The following RDH12 variants were observed in gnomAD, a reference collection of about 807,000 sequenced individuals.
The protein encoded by RDH12 is all-trans and 9-cis retinol dehydrogenase.
In RDH12, 21 loss-of-function variants were observed where a neutral mutation model predicts 34.0. That is an observed-to-expected ratio of 0.62 (90% confidence interval 0.44 to 0.89). The LOEUF (loss-of-function observed/expected upper bound fraction) is 0.89, where lower values mean the gene tolerates loss of function less well. RDH12 is among the 40% of genes least tolerant of loss of function. The pLI is 0.00. For synonymous variants in RDH12, 198 were observed against 169.9 expected (o/e 1.17, Z -1.29); for missense variants, 394 against 398.6 (o/e 0.99, Z 0.10).
At chr14:67,708,327 T>C (rs2037972106) in intron 1 of RDH12, among the ~76,000 whole-genome samples, 1 of 152,208 alleles carries the variant, frequency 6.6e-6, no homozygotes, top group Non-Finnish European at 1.5e-5. Flanking sequence ...TTGATATTCG[T>C]GAACACTTCA....
In RDH12 at chr14:67,727,023, T is replaced by C. The variant is rs760376777; in HGVS notation, c.491T>C (p.Val164Ala). ...TACCTGCTCCTGGAGCGGCTAAAGG[T>C]GTCTGCCCCTGCACGGGTGGTTAAT... ...LTYLLLERLK[V>A]SAPARVVNVS... The change falls in exon 7 of 9, where the codon GTG (valine) becomes GCG (alanine). Residue 164 changes from valine (V) to alanine (A), a missense_variant. Transcript: ENST00000551171. The C allele has an allele frequency of 4.3e-6, 7 of 1,613,444 alleles. No homozygotes were observed. The Admixed American group carries it at 8.3e-5, about 19-fold the overall frequency.
chr14:67,726,852 T>C (rs2038191745), intron 6 of RDH12, 129 bp from the exon 7 acceptor site: 1 of 762,362 alleles, frequency 1.3e-6, no homozygotes, highest in Non-Finnish European at 2.3e-6. Context: ...ACCATTAGAG[T>C]TACTCATGGC....
At chr14:67,708,167 G>T (rs908737549) in intron 1 of RDH12, among the ~76,000 whole-genome samples, 1 of 152,162 alleles carries the variant, frequency 6.6e-6, no homozygotes, top group African/African-American at 2.4e-5. Flanking sequence ...GTATACTTTA[G>T]TCAATTGCTA....
At position 67,724,511 on chromosome 14, in the gene RDH12, A is replaced by C; in HGVS notation, c.107A>C (p.Gln36Pro). Residue 36 changes from glutamine to proline, a missense_variant, in exon 4 of 9, where the codon CAG becomes CCG. Transcript: ENST00000551171. ...FAGGVCRTNV[Q>P]LPGKVVVITG... Reference sequence around the variant, plus strand: ...GGTGGAGTGTGTAGAACAAATGTGCAGCTTCCTGGCAAGGTAGTGGTGATC... The same window carrying C: ...GGTGGAGTGTGTAGAACAAATGTGCCGCTTCCTGGCAAGGTAGTGGTGATC... The C allele has an allele frequency of 3.7e-6, 6 of 1,613,210 alleles. No homozygotes were observed. The highest frequency in any genetic ancestry group is 4.2e-6 in the Non-Finnish European group (5 of 1,179,586).
At chr14:67,712,423 A>C (rs2038018709) in intron 1 of RDH12, among the ~76,000 whole-genome samples, 1 of 148,564 alleles carries the variant, frequency 6.7e-6, no homozygotes, top group Admixed American at 6.9e-5. Context: ...TAAAAATCCC[A>C]GAGTGGCCTC....
intron 1 of RDH12, among the ~76,000 whole-genome samples, chr14:67,708,390 C>G (rs1273176911): frequency 1.3e-5 from 2 of 152,078 alleles, no homozygotes; most frequent in African/African-American, 4.8e-5. Flanking sequence ...GTTACAATCT[C>G]CAAAGTTATC....
At chr14:67,715,644 G>C (rs897373840) in intron 1 of RDH12, among the ~76,000 whole-genome samples, 1 of 152,158 alleles carries the variant, frequency 6.6e-6, no homozygotes, top group Non-Finnish European at 1.5e-5. Context: ...CCAATGCCAA[G>C]TTCGTTCTTT....
chr14:67,711,544 TA>T (rs1216720152), intron 1 of RDH12, among the ~76,000 whole-genome samples: 1 of 152,230 alleles, frequency 6.6e-6, no homozygotes. Flanking sequence ...GCCAATTAAT[TA>T]GAGCTCTTTT....
At chr14:67,711,976 A>G (rs1473269040) in intron 1 of RDH12, among the ~76,000 whole-genome samples, 3 of 152,118 alleles carry the variant, frequency 2.0e-5, no homozygotes, top group Admixed American at 2.0e-4. Context: ...CTGAAGTGCA[A>G]TGGTGCGATC....
intron 5 of RDH12, 63 bp downstream of exon 5, chr14:67,725,317 T>A: frequency 6.5e-7 from 1 of 1,534,942 alleles, no homozygotes; most frequent in Non-Finnish European, 9.0e-7. Context: ...TGCTCCACCC[T>A]AGACCATCTA....
chr14:67,723,422 T>TG lies in RDH12; in HGVS notation c.68+717dup, dbSNP rs1817800870. 2.6e-5 allele frequency among the ~76,000 whole-genome samples: 4 copies of TG among 152,204 alleles called. No homozygotes were observed. The South Asian group carries it at 8.3e-4, about 32-fold the overall frequency. ...CTACTTTTTAAATTTTTTGTGGAGA[T>TG]GGGGGTCTCACTATGTTGCCCAGGC... On this transcript the variant is annotated intron_variant, in intron 3 of 8. Transcript: ENST00000551171.
At chr14:67,708,505 G>T (rs1313364546) in intron 1 of RDH12, among the ~76,000 whole-genome samples, 2 of 152,116 alleles carry the variant, frequency 1.3e-5, no homozygotes, top group East Asian at 3.9e-4. Flanking sequence ...GATGATGAAA[G>T]GTTTTAGGGC....
rs28940313 is a variant in RDH12, at chr14:67,729,209, A to G, written c.677A>G (p.Tyr226Cys). 1.2e-6 allele frequency: 2 copies of G among 1,612,480 alleles called. No homozygotes were observed. Among genetic ancestry groups the G allele is most frequent in the Non-Finnish European group, 1.7e-6 (2 of 1,180,006 alleles). The change falls in exon 8 of 9, where the codon TAC (tyrosine) becomes TGC (cysteine). Residue 226 changes from tyrosine to cysteine, a missense_variant. Transcript: ENST00000551171. ...GTCCCAGGCACCGGGGTCACCACCTACGCAGTGCACCCAGGCGTCGTCCGC... is the reference window on the plus strand; with the variant it reads ...GTCCCAGGCACCGGGGTCACCACCTGCGCAGTGCACCCAGGCGTCGTCCGC... Reference protein sequence around the residue: ...KRLQGTGVTTYAVHPGVVRSE... With the variant: ...KRLQGTGVTTCAVHPGVVRSE...
intron 1 of RDH12, among the ~76,000 whole-genome samples, chr14:67,718,086 T>C (rs1010622214): frequency 6.6e-6 from 1 of 152,116 alleles, no homozygotes; most frequent in Non-Finnish European, 1.5e-5. Context: ...TTAAAACAAA[T>C]ACAAAAAAAT....
chr14:67,703,509 G>A (rs1166137173), intron 1 of RDH12, among the ~76,000 whole-genome samples: 1 of 152,102 alleles, frequency 6.6e-6, no homozygotes, highest in Middle Eastern at 3.2e-3. Flanking sequence ...TAGTTTCAAA[G>A]TAGGCAGAAA....
chr14:67,727,485 G>GTTTT (rs762341739), intron 7 of RDH12: 4 of 259,666 alleles, frequency 1.5e-5, no homozygotes, highest in East Asian at 1.1e-4. Flanking sequence ...TGTTTTTTTT[G>GTTTT]TTTTTTTTTT....
At position 67,718,751 on chromosome 14, in the gene RDH12, G is replaced by A. The variant is rs111738982; in HGVS notation, c.-274-2097G>A. Among the ~76,000 whole-genome samples the A allele has an allele frequency of 3.5e-3, 526 of 152,272 alleles. 3 individuals are homozygous for A. The highest frequency in any genetic ancestry group is 0.012 in the African/African-American group (505 of 41,540). On this transcript the variant is annotated intron_variant, in intron 1 of 8. Coordinates refer to ENST00000551171, the MANE Select transcript of RDH12 (RefSeq NM_152443.3). The stretch of plus-strand genomic sequence containing the variant: ...TCCCTAAAGAGCAGGTATCCTATTG[G>A]TCCCTGGCTTTTTTGATGTTGATTA...
chr14:67,722,626 C>G lies in RDH12; in HGVS notation c.-17C>G. On this transcript the variant is annotated 5_prime_UTR_variant, in exon 3 of 9. Transcript: ENST00000551171. ...GGAGCAGCAGCAAAAGCAACAGCAG[C>G]TACAGAAGTTGGAACGATGCTGGTC... The G allele has an allele frequency of 3.7e-6, 6 of 1,612,326 alleles. No homozygotes were observed. The highest frequency in any genetic ancestry group is 5.1e-6 in the Non-Finnish European group (6 of 1,178,320).
In RDH12 at chr14:67,727,162, T is replaced by G. The variant is rs771268615; in HGVS notation, c.630T>G (p.Phe210Leu). Residue 210 changes from phenylalanine (F) to leucine (L), a missense_variant, in exon 7 of 9, where the codon TTT becomes TTG. By Grantham distance (22) the Phe-to-Leu change is conservative (BLOSUM62 0). Coordinates refer to ENST00000551171, the MANE Select transcript of RDH12 (RefSeq NM_152443.3). ...YCHSKLANVL[F>L]TRELAKRLQG... is the part of the protein sequence containing the mutation. ...ACAGCAAGCTGGCCAATGTGCTTTT[T>G]ACTCGTGAGCTGGCCAAGAGGCTCC... The G allele has an allele frequency of 6.2e-7, 1 of 1,613,838 alleles. No individual in the cohort carries two copies. Among genetic ancestry groups the G allele is most frequent in the Non-Finnish European group, 8.5e-7 (1 of 1,179,964 alleles).
Sources: gnomAD v4.1 joint callset for allele counts (sites outside exome capture counted in the v4.1 genomes callset) on GRCh38, gnomAD v4.1.1 for gene constraint, MANE v1.5 for transcripts, NCBI Gene and HGNC (gene_info 2026-07-23, HGNC 2026-07-21) for gene names.